The following WWOX variants were observed in gnomAD, a reference collection of about 807,000 sequenced individuals.
WWOX encodes the protein WW domain containing oxidoreductase.
In WWOX, 69 loss-of-function variants were observed where a neutral mutation model predicts 46.2. That is an observed-to-expected ratio of 1.49 (90% CI 1.23 to 1.82). The LOEUF (loss-of-function observed/expected upper bound fraction) is 1.82. Ranked by LOEUF, WWOX falls within the 40% of genes most tolerant of loss-of-function variation. WWOX has a pLI of 0.00. For missense variants in WWOX, 919 were observed against 542.6 expected (o/e 1.69, Z -6.89); for synonymous variants, 359 against 202.6 (o/e 1.77, Z -6.56).
chr16:78,158,939 T>C (rs1209544743), intron 4 of WWOX, among the ~76,000 whole-genome samples: 2 of 152,128 alleles, frequency 1.3e-5, no homozygotes, highest in African/African-American at 4.8e-5. Flanking sequence ...TGTTTCTCTC[T>C]CCCCTCAGCC....
At chr16:79,052,264 T>C (rs1023650086) in intron 8 of WWOX, among the ~76,000 whole-genome samples, 6 of 151,344 alleles carry the variant, frequency 4.0e-5, no homozygotes, top group South Asian at 2.1e-4. Context: ...TGTTCAGTTG[T>C]CACCTATGAG....
At chr16:78,563,449 A>G (rs1343966489) in intron 8 of WWOX, among the ~76,000 whole-genome samples, 4 of 151,880 alleles carry the variant, frequency 2.6e-5, no homozygotes, top group African/African-American at 9.7e-5. Flanking sequence ...GGGAGAATCC[A>G]AAGATAGTAT....
intron 5 of WWOX, among the ~76,000 whole-genome samples, chr16:78,317,732 G>A (rs1000899257): frequency 6.6e-6 from 1 of 152,018 alleles, no homozygotes; most frequent in Non-Finnish European, 1.5e-5. Flanking sequence ...CTCCCCATGG[G>A]CCCCCTTCAC....
At chr16:79,147,384 G>A (rs563171609) in intron 8 of WWOX, among the ~76,000 whole-genome samples, 4 of 152,162 alleles carry the variant, frequency 2.6e-5, no homozygotes, top group Admixed American at 6.5e-5. Flanking sequence ...TTTTTCACTC[G>A]GTACAATTCC....
intron 5 of WWOX, among the ~76,000 whole-genome samples, chr16:78,278,885 G>T (rs914812794): frequency 1.3e-5 from 2 of 152,160 alleles, no homozygotes; most frequent in African/African-American, 4.8e-5. Context: ...TAAAGTGTGT[G>T]TGTTTGTGTG....
intron 8 of WWOX, among the ~76,000 whole-genome samples, chr16:78,986,894 C>A (rs1417163112): frequency 6.6e-6 from 1 of 152,124 alleles, no homozygotes; most frequent in Admixed American, 6.5e-5. Flanking sequence ...CAAGAGACTC[C>A]TTTTGACTGC....
intron 5 of WWOX, among the ~76,000 whole-genome samples, chr16:78,282,751 G>C (rs751854030): frequency 6.6e-6 from 1 of 151,860 alleles, no homozygotes; most frequent in African/African-American, 2.4e-5. Context: ...GGTGGTGTTC[G>C]CCTGTAGTCC....
intron 6 of WWOX, among the ~76,000 whole-genome samples, chr16:78,417,891 G>C (rs2082835314): frequency 6.6e-6 from 1 of 152,140 alleles, no homozygotes; most frequent in South Asian, 2.1e-4. Flanking sequence ...TGACTTTTCA[G>C]GTTTTAGGTA....
chr16:78,369,245 G>A (rs1261774011), intron 5 of WWOX, among the ~76,000 whole-genome samples: 1 of 152,002 alleles, frequency 6.6e-6, no homozygotes, highest in African/African-American at 2.4e-5. Flanking sequence ...CTCTGTCACA[G>A]TAAGTTCCAA....
intron 5 of WWOX, among the ~76,000 whole-genome samples, chr16:78,228,339 CTTTTT>C (rs34322106): frequency 1.5e-4 from 17 of 111,280 alleles, no homozygotes; most frequent in Admixed American, 4.1e-4. Context: ...CATATTCTCT[CTTTTT>C]TTTTTTTTTT....
At chr16:78,709,316 C>T (rs567321770) in intron 8 of WWOX, among the ~76,000 whole-genome samples, 2 of 152,166 alleles carry the variant, frequency 1.3e-5, no homozygotes, top group East Asian at 1.9e-4. Context: ...ATTTAACTTA[C>T]GTAGTGATCA....
intron 8 of WWOX, among the ~76,000 whole-genome samples, chr16:79,023,575 G>A (rs1242744595): frequency 6.6e-6 from 1 of 152,110 alleles, no homozygotes; most frequent in African/African-American, 2.4e-5. Context: ...AGGCAAACAT[G>A]TGTGTGTTAA....
intron 1 of WWOX, 31 bp from the exon 2 acceptor site, chr16:78,108,392 T>C (rs1183326241): frequency 6.2e-7 from 1 of 1,605,110 alleles, no homozygotes; most frequent in Non-Finnish European, 8.5e-7. Flanking sequence ...TAATTTTTAC[T>C]TATTACTGTG....
chr16:79,083,771 C>T (rs1567538342), intron 8 of WWOX, among the ~76,000 whole-genome samples: 1 of 151,972 alleles, frequency 6.6e-6, no homozygotes, highest in Non-Finnish European at 1.5e-5. Flanking sequence ...TGTGGAGCTC[C>T]GGAGTTCCCA....
chr16:79,026,011 G>C (rs1056353167), intron 8 of WWOX, among the ~76,000 whole-genome samples: 2 of 151,382 alleles, frequency 1.3e-5, no homozygotes, highest in Non-Finnish European at 2.9e-5. Context: ...ATGTTGTGCA[G>C]GCTGGTCTCA....
intron 8 of WWOX, among the ~76,000 whole-genome samples, chr16:78,612,402 G>T (rs1366715469): frequency 1.3e-5 from 2 of 152,218 alleles, no homozygotes; most frequent in African/African-American, 4.8e-5. Context: ...CGTGGCGTAG[G>T]CCTCAGAGTC....
chr16:79,055,409 T>G (rs2048243399), intron 8 of WWOX, among the ~76,000 whole-genome samples: 1 of 152,118 alleles, frequency 6.6e-6, no homozygotes, highest in Non-Finnish European at 1.5e-5. Flanking sequence ...TGTGGCTGAG[T>G]GGCCGTGTAA....
intron 8 of WWOX, among the ~76,000 whole-genome samples, chr16:78,827,695 G>T (rs933929385): frequency 6.6e-6 from 1 of 150,568 alleles, no homozygotes; most frequent in Non-Finnish European, 1.5e-5. Context: ...AAAAAAATTA[G>T]CCAGGCATGG....
chr16:78,384,579 A>T (rs2082021782), intron 5 of WWOX, among the ~76,000 whole-genome samples: 1 of 151,616 alleles, frequency 6.6e-6, no homozygotes, highest in Non-Finnish European at 1.5e-5. Context: ...TATAGGGGGG[A>T]TGTGGCGTCA....
Sources: gnomAD v4.1 joint callset for allele counts (sites outside exome capture counted in the v4.1 genomes callset) on GRCh38, gnomAD v4.1.1 for gene constraint, MANE v1.5 for transcripts, NCBI Gene and HGNC (gene_info 2026-07-23, HGNC 2026-07-21) for gene names.